Variants in SLC22A11 observed in about 807,000 individuals in gnomAD.
The protein encoded by SLC22A11 is solute carrier family 22 member 11, also known as organic anion transporter 4.
A neutral mutation model predicts 49.4 loss-of-function variants in SLC22A11; 42 were observed. That is an observed-to-expected ratio of 0.85 (90% CI 0.66 to 1.10). The LOEUF is 1.10. Among genes scored for constraint, SLC22A11 ranks in the 50% least tolerant of loss-of-function variants. SLC22A11 has a pLI of 0.00. For synonymous variants in SLC22A11, 304 were observed against 315.8 expected (o/e 0.96, Z 0.40); for missense variants, 685 against 731.6 (o/e 0.94, Z 0.74).
intron 2 of SLC22A11, among the ~76,000 whole-genome samples, chr11:64,559,702 T>A (rs1014751389): frequency 2.0e-5 from 3 of 151,312 alleles, no homozygotes; most frequent in Non-Finnish European, 4.4e-5. Flanking sequence ...GAAGGGGCGG[T>A]GGGGAGGGTG....
chr11:64,572,029 C>T lies in SLC22A11; in HGVS notation c.*987C>T, dbSNP rs1229227587. 5 of 152,234 alleles carry T rather than the reference C, an allele frequency of 3.3e-5. No homozygotes were observed. Among genetic ancestry groups the T allele is most frequent in the South Asian group, 2.1e-4 (1 of 4,830 alleles). 9.4% of individuals were successfully genotyped at this position (152,234 alleles called of 1,614,324 possible). A position where few individuals can be genotyped will look rare whatever the true frequency, so the allele number is the denominator to read the frequency against. ...GTCCCCTCGATGAGGGTTGTTGGGC[C>T]GGGGAGCCTCATCCACAGGGCGGAG... On this transcript the variant is annotated 3_prime_UTR_variant, in exon 10 of 10. Coordinates refer to ENST00000301891, the MANE Select transcript of SLC22A11 (RefSeq NM_018484.4).
In SLC22A11 at chr11:64,559,177, C is replaced by T; in HGVS notation, c.436C>T (p.Gln146Ter). The change falls in exon 2 of 10, where the codon CAG becomes TAG. Residue 146 changes from glutamine to a stop codon, truncating the protein, a stop_gained. Transcript: ENST00000301891. LOFTEE classifies it high-confidence loss of function. ...CSSQGLKPLS[Q>*]SIFMSGILVG... Reference sequence around the variant, plus strand: ...CTCCCAGGGCTTGAAGCCCCTAAGCCAGTCCATCTTCATGTCCGGGATCCT... The same window carrying T: ...CTCCCAGGGCTTGAAGCCCCTAAGCTAGTCCATCTTCATGTCCGGGATCCT... 1.9e-6 allele frequency: 3 copies of T among 1,613,486 alleles called. No homozygotes were observed. Among genetic ancestry groups the T allele is most frequent in the Non-Finnish European group, 2.5e-6 (3 of 1,179,590 alleles).
intron 9 of SLC22A11, 41 bp downstream of exon 9, chr11:64,569,899 T>A (rs1246187926): frequency 6.3e-7 from 1 of 1,598,868 alleles, no homozygotes; most frequent in Non-Finnish European, 8.5e-7. Context: ...CTGGGCTTCC[T>A]CCTGGGCCAA....
chr11:64,556,102 A>T lies in SLC22A11; in HGVS notation c.103A>T (p.Met35Leu). Residue 35 changes from methionine (M) to leucine (L), a missense_variant, in exon 1 of 10, where the codon ATG becomes TTG. Physicochemically the swap from Met to Leu is conservative, Grantham distance 15. Transcript: ENST00000301891. ...CCCCTGCCTCATGATACCTTCCCAG[A>T]TGCTCCTGGAGAACTTCTCAGCCGC... ...ILPCLMIPSQ[M>L]LLENFSAAIP... 6.2e-7 allele frequency: 1 copy of T among 1,614,056 alleles called. No homozygotes were observed. The highest frequency in any genetic ancestry group is 8.5e-7 in the Non-Finnish European group (1 of 1,180,002).
chr11:64,562,700 A>C lies in SLC22A11; in HGVS notation c.821+265A>C, dbSNP rs1031088907. Among the ~76,000 whole-genome samples the C allele has an allele frequency of 2.0e-5, 3 of 152,256 alleles. No homozygotes were observed. Among genetic ancestry groups the C allele is most frequent in the Non-Finnish European group, 1.5e-5 (1 of 68,050 alleles). ...TGGCTCAAATGGTGATTTAAAAAAT[A>C]CATTTGTAACTAGTTGCTAACATTT... On this transcript the variant is annotated intron_variant, in intron 4 of 9. Transcript: ENST00000301891. The surrounding 1 kb of genome is among the most constrained non-coding windows in gnomAD (Gnocchi z 4.4).
In SLC22A11 at chr11:64,570,959, T is replaced by C; in HGVS notation, c.1590-20T>C. ...TACCCACTTCACCACATGGCACTGC[T>C]TTTCTTTGGATTATTCTAGGAAATC... On this transcript the variant is annotated intron_variant, in intron 9 of 9. Coordinates refer to ENST00000301891, the MANE Select transcript of SLC22A11 (RefSeq NM_018484.4). 1.2e-6 allele frequency: 2 copies of C among 1,614,126 alleles called. No homozygotes were observed. The highest frequency in any genetic ancestry group is 1.7e-6 in the Non-Finnish European group (2 of 1,179,974).
chr11:64,557,900 C>T (rs147453504), intron 1 of SLC22A11, among the ~76,000 whole-genome samples: 6,029 of 151,312 alleles, frequency 0.04, 372 homozygotes, highest in African/African-American at 0.13. Context: ...TGGGTCCAAG[C>T]GATTCTCCAG....
In SLC22A11 at chr11:64,572,616, T is replaced by C. The variant is rs150452751; in HGVS notation, c.*1574T>C. 5.1e-4 allele frequency: 78 copies of C among 152,398 alleles called. No homozygotes were observed. The East Asian group carries it at 8.9e-3, about 17-fold the overall frequency. 9.4% of individuals were successfully genotyped at this position (152,398 alleles called of 1,614,324 possible). A position where few individuals can be genotyped will look rare whatever the true frequency, so the allele number is the denominator to read the frequency against. On this transcript the variant is annotated 3_prime_UTR_variant, in exon 10 of 10. Transcript: ENST00000301891. ...TACACCCTGGTTCACACCACGGTTG[T>C]AGCTCCAAACTGGTCCCTGATGTCT...
chr11:64,557,041 G>C (rs1247478626), intron 1 of SLC22A11, among the ~76,000 whole-genome samples: 1 of 152,182 alleles, frequency 6.6e-6, no homozygotes, highest in Non-Finnish European at 1.5e-5. Flanking sequence ...CATGAGCAGG[G>C]AGACTTCAAG....
In SLC22A11 at chr11:64,560,789, C is replaced by T. The variant is rs550419733; in HGVS notation, c.498-1215C>T. Among the ~76,000 whole-genome samples, 7 of 152,322 alleles carry T rather than the reference C, an allele frequency of 4.6e-5. No homozygotes were observed. In the South Asian group the frequency reaches 8.3e-4, roughly 18 times the overall value. On this transcript the variant is annotated intron_variant, in intron 2 of 9. Coordinates refer to ENST00000301891, the MANE Select transcript of SLC22A11 (RefSeq NM_018484.4). ...GCCCAGCTCAGCACGGTGGCAGACACGCAGTCATTATTTCATGAATGGAGG... is the reference window on the plus strand; with the variant it reads ...GCCCAGCTCAGCACGGTGGCAGACATGCAGTCATTATTTCATGAATGGAGG...
rs879078980 is a variant in SLC22A11 at position 64,564,383 on chromosome 11, G to A, written c.897G>A (p.Val299=). 6.2e-7 allele frequency: 1 copy of A among 1,614,116 alleles called. No individual in the cohort carries two copies. Among genetic ancestry groups the A allele is most frequent in the South Asian group, 1.1e-5 (1 of 91,086 alleles). Residue 299 remains valine (V), a synonymous_variant, in exon 5 of 10, where the codon GTG becomes GTA. Transcript: ENST00000301891. This position sits in a 1 kb window ranked among gnomAD's most constrained non-coding sequence, Gnocchi z 4.2. Reference sequence around the variant, plus strand: ...AAGCACTTCAGGAGCTCAGAAAGGTGGCCAGGATAAATGGCCACAAGGAGG... The same window carrying A: ...AAGCACTTCAGGAGCTCAGAAAGGTAGCCAGGATAAATGGCCACAAGGAGG... ...PDQALQELRK[V]ARINGHKEAK...
chr11:64,562,355 C>A lies in SLC22A11; in HGVS notation c.741C>A (p.Gly247=), dbSNP rs763899157. 7.4e-6 allele frequency: 12 copies of A among 1,611,032 alleles called. No homozygotes were observed. The South Asian group carries it at 9.9e-5, about 13-fold the overall frequency. Residue 247 remains glycine, a synonymous_variant, in exon 4 of 10, where the codon GGC becomes GGA. Transcript: ENST00000301891. This position sits in a 1 kb window ranked among gnomAD's most constrained non-coding sequence, Gnocchi z 4.4. ...AFSAGQAALG[G]LAFALRDWRT... ...GCGCAGGCCAGGCGGCGCTGGGCGGCCTGGCCTTTGCCCTGCGGGACTGGA... is the reference window on the plus strand; with the variant it reads ...GCGCAGGCCAGGCGGCGCTGGGCGGACTGGCCTTTGCCCTGCGGGACTGGA...
chr11:64,561,519 C>T (rs1264712182), intron 2 of SLC22A11, among the ~76,000 whole-genome samples: 1 of 152,142 alleles, frequency 6.6e-6, no homozygotes, highest in Admixed American at 6.6e-5. Context: ...CGTGATCATA[C>T]CTCACTGCAG....
chr11:64,571,460 G>GC lies in SLC22A11; in HGVS notation c.*419dup, dbSNP rs1024672857. ...ATGATCACGTGACCCACCCCCCAGGGCAGGTATCAGGGTGAACTGATCTTA... is the reference window on the plus strand; with the variant it reads ...ATGATCACGTGACCCACCCCCCAGGGCCAGGTATCAGGGTGAACTGATCTTA... On this transcript the variant is annotated 3_prime_UTR_variant, in exon 10 of 10. Transcript: ENST00000301891. 5.4e-6 allele frequency: 1 copy of GC among 186,012 alleles called. No individual in the cohort carries two copies. The highest frequency in any genetic ancestry group is 2.4e-5 in the African/African-American group (1 of 42,538). 11.5% of individuals were successfully genotyped at this position (186,012 alleles called of 1,614,324 possible).
chr11:64,560,870 T>C (rs1312060218), intron 2 of SLC22A11, among the ~76,000 whole-genome samples: 1 of 152,230 alleles, frequency 6.6e-6, no homozygotes, highest in Non-Finnish European at 1.5e-5. Context: ...TCTGACTACC[T>C]GGGTCTGAAT....
In SLC22A11 at chr11:64,559,177, C is replaced by G. The variant is rs1490042358; in HGVS notation, c.436C>G (p.Gln146Glu). Residue 146 changes from glutamine to glutamate, a missense_variant, in exon 2 of 10, where the codon CAG becomes GAG. Physicochemically the swap from Gln to Glu is conservative, Grantham distance 29. Coordinates refer to ENST00000301891, the MANE Select transcript of SLC22A11 (RefSeq NM_018484.4). ...CSSQGLKPLS[Q>E]SIFMSGILVG... ...CTCCCAGGGCTTGAAGCCCCTAAGC[C>G]AGTCCATCTTCATGTCCGGGATCCT... is the stretch of plus-strand genomic sequence containing the variant. 6 of 1,613,486 alleles carry G rather than the reference C, an allele frequency of 3.7e-6. No individual in the cohort carries two copies. The highest frequency in any genetic ancestry group is 5.1e-6 in the Non-Finnish European group (6 of 1,179,590).
chr11:64,559,546 C>T (rs185238009), intron 2 of SLC22A11, among the ~76,000 whole-genome samples: 313 of 152,300 alleles, frequency 2.1e-3, no homozygotes, highest in Admixed American at 3.6e-3. Context: ...TCCATGCGGC[C>T]GTGCTTGGAC....
At position 64,565,389 on chromosome 11, in the gene SLC22A11, C is replaced by A. The variant is rs774396423; in HGVS notation, c.1058+52C>A. On this transcript the variant is annotated intron_variant, in intron 6 of 9. Coordinates refer to ENST00000301891, the MANE Select transcript of SLC22A11 (RefSeq NM_018484.4). This position sits in a 1 kb window ranked among gnomAD's most constrained non-coding sequence, Gnocchi z 4.1. The stretch of plus-strand genomic sequence containing the variant: ...AGGCAGGGCTGGGACAGGCAGGAGG[C>A]AGAGCTGGGACAGGCAGGAGGCAGA... 28 of 1,466,400 alleles carry A rather than the reference C, an allele frequency of 1.9e-5. No individual in the cohort carries two copies. In the South Asian group the frequency reaches 3.4e-4, roughly 18 times the overall value. 90.8% of individuals were successfully genotyped at this position (1,466,400 alleles called of 1,614,324 possible). A position where few individuals can be genotyped will look rare whatever the true frequency, so the allele number is the denominator to read the frequency against.
In SLC22A11 at chr11:64,565,598, A is replaced by G; in HGVS notation, c.1058+261A>G. On this transcript the variant is annotated intron_variant, in intron 6 of 9. Transcript: ENST00000301891. This position sits in a 1 kb window ranked among gnomAD's most constrained non-coding sequence, Gnocchi z 4.1. ...AAGGCAGCTCTAGGCTGGGGGTCCCAGGGTCCCAGGGAGGTCCCAAGACAG... is the reference window on the plus strand; with the variant it reads ...AAGGCAGCTCTAGGCTGGGGGTCCCGGGGTCCCAGGGAGGTCCCAAGACAG... 1 of 555,920 alleles carries G rather than the reference A, an allele frequency of 1.8e-6. No individual in the cohort carries two copies. The allele number at this position is 555,920 out of a possible 1,614,324, so 34.4% of individuals were successfully genotyped here. A position where few individuals can be genotyped will look rare whatever the true frequency, so the allele number is the denominator to read the frequency against.
Sources: gnomAD v4.1 joint callset for allele counts (sites outside exome capture counted in the v4.1 genomes callset) on GRCh38, gnomAD v4.1.1 for gene constraint, Gnocchi (gnomAD v3.1) non-coding constraint, MANE v1.5 for transcripts, NCBI Gene and HGNC (gene_info 2026-07-23, HGNC 2026-07-21) for gene names.